CA10: variants seen among roughly 807,000 people sequenced by gnomAD.
CA10 encodes the protein carbonic anhydrase-related protein 10.
In CA10, 14 loss-of-function variants were observed where a neutral mutation model predicts 44.2. The observed-to-expected ratio is 0.32, with a 90% CI of 0.21 to 0.50. CA10 has a LOEUF of 0.50. CA10 is among the 20% of genes least tolerant of loss of function. The probability of loss-of-function intolerance (pLI) is 0.99; values close to 1 mark genes in which losing one functional copy is unlikely to be tolerated. For missense variants in CA10, 350 were observed against 409.7 expected (o/e 0.85, Z 1.26); for synonymous variants, 159 against 141.6 (o/e 1.12, Z -0.87).
chr17:52,136,547 C>G (rs1159644813), intron 1 of CA10, among the ~76,000 whole-genome samples: 1 of 152,168 alleles, frequency 6.6e-6, no homozygotes, highest in African/African-American at 2.4e-5. Context: ...CCTAACTACT[C>G]AAGCTGGGAG....
chr17:51,971,675 A>G (rs1357469941), intron 2 of CA10, among the ~76,000 whole-genome samples: 2 of 152,190 alleles, frequency 1.3e-5, no homozygotes, highest in African/African-American at 4.8e-5. Context: ...GGAAATGTTT[A>G]AAAATATTAA....
At chr17:52,103,785 C>T (rs1455508965) in intron 1 of CA10, among the ~76,000 whole-genome samples, 2 of 152,144 alleles carry the variant, frequency 1.3e-5, no homozygotes, top group Admixed American at 1.3e-4. Flanking sequence ...AGTTCATAGC[C>T]CAAGTTTCTC....
intron 4 of CA10, among the ~76,000 whole-genome samples, chr17:51,726,250 T>C (rs1440566081): frequency 8.5e-6 from 1 of 117,180 alleles, no homozygotes; most frequent in Non-Finnish European, 1.9e-5. Context: ...TCTGAGAGGC[T>C]GATCTACACT....
chr17:51,860,777 T>A (rs1490244874), intron 3 of CA10, among the ~76,000 whole-genome samples: 1 of 152,176 alleles, frequency 6.6e-6, no homozygotes, highest in Admixed American at 6.6e-5. Flanking sequence ...GATTTATCTC[T>A]CCCACTAAAA....
At chr17:52,076,140 C>A (rs1485008963) in intron 1 of CA10, among the ~76,000 whole-genome samples, 1 of 152,142 alleles carries the variant, frequency 6.6e-6, no homozygotes, top group Non-Finnish European at 1.5e-5. Context: ...TATCTCTCTT[C>A]TTACATGTGC....
intron 3 of CA10, chr17:51,763,395 G>A (rs1200698770): frequency 6.6e-6 from 1 of 152,152 alleles, no homozygotes; most frequent in Non-Finnish European, 1.5e-5. Context: ...CATGACAAAA[G>A]TATTGAGTGG....
chr17:51,887,368 G>A (rs1980654063), intron 3 of CA10, among the ~76,000 whole-genome samples: 2 of 152,162 alleles, frequency 1.3e-5, no homozygotes, highest in South Asian at 4.1e-4. Context: ...GTTCTTGAGA[G>A]CTTGTTAGCA....
intron 2 of CA10, among the ~76,000 whole-genome samples, chr17:52,065,800 A>G (rs1448775821): frequency 6.6e-6 from 1 of 152,096 alleles, no homozygotes; most frequent in African/African-American, 2.4e-5. Flanking sequence ...TTGCCCATTG[A>G]TATGGTTTGG....
chr17:51,782,028 C>T (rs563227884), intron 3 of CA10, among the ~76,000 whole-genome samples: 16 of 152,262 alleles, frequency 1.1e-4, no homozygotes, highest in African/African-American at 1.7e-4. Context: ...CACTGTCTTC[C>T]GATGTTCTAA....
At chr17:51,803,099 T>C (rs1906999460) in intron 3 of CA10, among the ~76,000 whole-genome samples, 2 of 152,184 alleles carry the variant, frequency 1.3e-5, no homozygotes, top group African/African-American at 4.8e-5. Context: ...TCTTCCTTAT[T>C]TTCCCTGACA....
intron 4 of CA10, among the ~76,000 whole-genome samples, chr17:51,686,790 GC>G (rs1221935880): frequency 6.6e-6 from 1 of 151,914 alleles, no homozygotes; most frequent in Non-Finnish European, 1.5e-5. Context: ...TCAGTGGATG[GC>G]TTCCCCATCC....
rs189247696 is a variant in CA10 at position 51,631,392 on chromosome 17, G to A, written c.*192C>T. On this transcript the variant is annotated 3_prime_UTR_variant, in exon 9 of 9. Transcript: ENST00000451037. ...TGTGCAAGTGCTTGTGTGTGTGTTT[G>A]TGAGTATGTGTGAGAGATGTATTCC... 1.8e-4 allele frequency: 119 copies of A among 663,788 alleles called. No individual in the cohort carries two copies. Among genetic ancestry groups the A allele is most frequent in the Non-Finnish European group, 9.1e-5 (33 of 364,472 alleles). 41.1% of individuals were successfully genotyped at this position (663,788 alleles called of 1,614,324 possible).
chr17:51,941,306 C>T (rs1983068930), intron 2 of CA10, among the ~76,000 whole-genome samples: 1 of 152,086 alleles, frequency 6.6e-6, no homozygotes, highest in Admixed American at 6.6e-5. Flanking sequence ...CTCATTCTTG[C>T]GAGAATCCAC....
chr17:51,831,969 G>A (rs7207326), intron 3 of CA10, among the ~76,000 whole-genome samples: 14,986 of 152,132 alleles, frequency 0.099, 1,139 homozygotes, highest in African/African-American at 0.21. Flanking sequence ...TTGCTCCCTC[G>A]TTGACAAGAT....
intron 2 of CA10, among the ~76,000 whole-genome samples, chr17:52,016,978 C>T (rs1474019225): frequency 6.6e-6 from 1 of 152,068 alleles, no homozygotes; most frequent in Non-Finnish European, 1.5e-5. Flanking sequence ...TGCTCCCTTT[C>T]TCACCATTTG....
At chr17:52,047,676 A>G (rs1986948906) in intron 2 of CA10, among the ~76,000 whole-genome samples, 1 of 151,944 alleles carries the variant, frequency 6.6e-6, no homozygotes, top group African/African-American at 2.4e-5. Context: ...TATTTTTTGC[A>G]GCTTTCCTTC....
chr17:52,083,082 G>T (rs4321236), intron 1 of CA10, among the ~76,000 whole-genome samples: 4 of 151,978 alleles, frequency 2.6e-5, no homozygotes, highest in African/African-American at 9.7e-5. Context: ...CAGAATGCTA[G>T]GAGCATACTA....
chr17:51,827,014 G>T (rs1908032786), intron 3 of CA10, among the ~76,000 whole-genome samples: 1 of 152,020 alleles, frequency 6.6e-6, no homozygotes. Flanking sequence ...TTCCTACTGG[G>T]ACCCTCATGA....
At chr17:52,123,208 T>C (rs984220153) in intron 1 of CA10, among the ~76,000 whole-genome samples, 1 of 152,108 alleles carries the variant, frequency 6.6e-6, no homozygotes, top group Non-Finnish European at 1.5e-5. Flanking sequence ...ATAATTATAA[T>C]GAAATATTAA....
Sources: allele counts gnomAD v4.1 joint callset (sites outside exome capture counted in the v4.1 genomes callset), GRCh38; gene constraint gnomAD v4.1.1; transcripts MANE v1.5; gene names NCBI Gene and HGNC (gene_info 2026-07-23, HGNC 2026-07-21).